The following MYH1 variants were observed in gnomAD, a reference collection of about 807,000 sequenced individuals.
MYH1 encodes myosin-1.
Under a neutral mutation model 225.6 loss-of-function variants are expected in MYH1, and 214 were observed. That is an observed-to-expected ratio of 0.95 (90% CI 0.85 to 1.06). The LOEUF is 1.06. MYH1 is among the 50% of genes least tolerant of loss of function. The pLI is 0.00. For synonymous variants in MYH1, 774 were observed against 842.3 expected (o/e 0.92, Z 1.40); for missense variants, 2,098 against 2,344.2 (o/e 0.89, Z 2.17).
chr17:10,516,740 T>C (rs2073234113), intron 2 of MYH1, 58 bp from the exon 3 acceptor site: 1 of 1,418,314 alleles, frequency 7.1e-7, no homozygotes, highest in Admixed American at 2.3e-5. Flanking sequence ...TAGATTCACA[T>C]TTAAAACTTT....
At chr17:10,502,220 A>G (rs563749509) in intron 24 of MYH1, among the ~76,000 whole-genome samples, 2 of 152,310 alleles carry the variant, frequency 1.3e-5, no homozygotes, top group South Asian at 2.1e-4. Context: ...CAAACCATGA[A>G]CTTTTTTAAC....
At position 10,498,789 on chromosome 17, in the gene MYH1, AG is replaced by A; in HGVS notation, c.4017del (p.Ser1340ProfsTer69). On this transcript the variant is annotated frameshift_variant, in exon 30 of 40. Transcript: ENST00000226207. LOFTEE classifies it high-confidence loss of function. ...AKSALAHALQ[S>X]SRHDCDLLRE... ...CGCAGCAGGTCACAGTCATGGCGGG[AG>A]GACTGCAGGGCATGTGCCAGGGCAC... The A allele has an allele frequency of 1.2e-6, 2 of 1,614,140 alleles. No individual in the cohort carries two copies. Among genetic ancestry groups the A allele is most frequent in the Non-Finnish European group, 1.7e-6 (2 of 1,180,006 alleles).
Position 10,495,011 on chromosome 17 carries a change from C to T in MYH1, c.5386G>A (p.Asp1796Asn). The T allele has an allele frequency of 1.9e-6, 3 of 1,614,204 alleles. No homozygotes were observed. The highest frequency in any genetic ancestry group is 1.1e-5 in the South Asian group (1 of 91,078). ...MKKNLEQTVK[D>N]LQHRLDEAEQ... ...GCCTCATCCAGACGATGCTGCAGGT[C>T]CTTCACCGTCTGTTCCAGGTTCTTC... is the stretch of plus-strand genomic sequence containing the variant. Residue 1796 changes from aspartate to asparagine, a missense_variant, in exon 37 of 40, where the codon GAC becomes AAC. Asp to Asn is a conservative substitution (Grantham distance 23). Transcript: ENST00000226207.
Position 10,497,074 on chromosome 17 carries a change from C to T in MYH1, c.4651G>A (p.Ala1551Thr), listed in dbSNP as rs758782200. The T allele has an allele frequency of 8.1e-6, 13 of 1,613,372 alleles. No homozygotes were observed. The highest frequency in any genetic ancestry group is 1.0e-5 in the Non-Finnish European group (12 of 1,179,926). ...GTATGCAATAAAATGCTTACCTCTGCCTCCTCTAAGGCAGCCTGAAGTTCA... is the reference window on the plus strand; with the variant it reads ...GTATGCAATAAAATGCTTACCTCTGTCTCCTCTAAGGCAGCCTGAAGTTCA... ...KSELQAALEE[A>T]EASLEHEEGK... The change falls in exon 33 of 40, where the codon GCA becomes ACA. Residue 1551 changes from alanine to threonine, a missense_variant. By Grantham distance (58) the Ala-to-Thr change is moderately conservative. Transcript: ENST00000226207.
chr17:10,501,009 G>T, intron 27 of MYH1, 101 bp downstream of exon 27: 1 of 1,539,204 alleles, frequency 6.5e-7, no homozygotes, highest in Non-Finnish European at 8.8e-7. Context: ...GAGAAAAAGG[G>T]TGCCTGATTT....
intron 12 of MYH1, 94 bp from the exon 13 acceptor site, chr17:10,512,286 C>G (rs2073177923): frequency 3.1e-6 from 5 of 1,590,034 alleles, no homozygotes; most frequent in Non-Finnish European, 2.6e-6. Context: ...TGTAGAAAGT[C>G]TGTGTGTGGG....
rs758527045 is a variant in MYH1 at position 10,501,105 on chromosome 17, T to C, written c.3738+5A>G. ...CAAATAATCAATGTGAAGTGTTGAT[T>C]GTACCTTGGCTTTGGAGACAGTCTC... is the stretch of plus-strand genomic sequence containing the variant. On this transcript the variant is annotated splice_donor_5th_base_variant and intron_variant, in intron 27 of 39. Transcript: ENST00000226207. 1.9e-6 allele frequency: 3 copies of C among 1,613,238 alleles called. No individual in the cohort carries two copies. The highest frequency in any genetic ancestry group is 2.2e-5 in the South Asian group (2 of 91,058).
chr17:10,495,280 G>C lies in MYH1; in HGVS notation c.5207C>G (p.Thr1736Arg), dbSNP rs541402684. The C allele has an allele frequency of 6.2e-7, 1 of 1,614,116 alleles. No homozygotes were observed. The highest frequency in any genetic ancestry group is 1.1e-5 in the South Asian group (1 of 91,068). The change falls in exon 36 of 40, where the codon ACA (threonine) becomes AGA (arginine). Residue 1736 changes from threonine (T) to arginine (R), a missense_variant. Physicochemically the swap from Thr to Arg is moderately conservative, Grantham distance 71. Coordinates refer to ENST00000226207, the MANE Select transcript of MYH1 (RefSeq NM_005963.4). ...SLINTKKKLE[T>R]DISQIQGEME... ...CTCTCCCTGGATTTGGGAAATGTCT[G>C]TCTCCAGCTTCTTCTTGGTGTTGAT...
intron 19 of MYH1, 132 bp from the exon 20 acceptor site, chr17:10,505,643 C>A: frequency 7.3e-7 from 1 of 1,365,946 alleles, no homozygotes; most frequent in Non-Finnish European, 9.9e-7. Flanking sequence ...CTTTATCTAT[C>A]CTCTGTTTAT....
chr17:10,492,653 T>G, intron 39 of MYH1, 85 bp from the exon 40 acceptor site: 1 of 1,364,790 alleles, frequency 7.3e-7, no homozygotes, highest in Non-Finnish European at 1.0e-6. Context: ...TCCTTTTTAC[T>G]TAAAAATGAT....
Position 10,497,854 on chromosome 17 carries a change from A to T in MYH1, c.4245T>A (p.Cys1415Ter). 1.9e-6 allele frequency: 3 copies of T among 1,613,766 alleles called. No individual in the cohort carries two copies. Among genetic ancestry groups the T allele is most frequent in the Non-Finnish European group, 2.5e-6 (3 of 1,179,942 alleles). Residue 1415 changes from cysteine (C) to a stop codon, truncating the protein, a stop_gained, in exon 31 of 40, where the codon TGT becomes TGA. Coordinates refer to ENST00000226207, the MANE Select transcript of MYH1 (RefSeq NM_005963.4). LOFTEE classifies it high-confidence loss of function. ...TCTGCTTCGTCTTCTCAAGGGAAGC[A>T]CATTTGGCATTCACAGCTTCTACAT... ...EEHVEAVNAK[C>*]ASLEKTKQRL...
rs746052766 is a variant in MYH1 at position 10,512,112 on chromosome 17, C to A, written c.1228G>T (p.Gly410Cys). Reference sequence around the variant, plus strand: ...TGACCTTTGGTGACATACTCATTGCCGACCTTGACCCTAGGGTAGCAGAGG... The same window carrying A: ...TGACCTTTGGTGACATACTCATTGCAGACCTTGACCCTAGGGTAGCAGAGG... Reference protein sequence around the residue: ...KALCYPRVKVGNEYVTKGQTV... With the variant: ...KALCYPRVKVCNEYVTKGQTV... Residue 410 changes from glycine (G) to cysteine (C), a missense_variant, in exon 13 of 40, where the codon GGC (glycine) becomes TGC (cysteine). Physicochemically the swap from Gly to Cys is radical, Grantham distance 159 (BLOSUM62 -3). Coordinates refer to ENST00000226207, the MANE Select transcript of MYH1 (RefSeq NM_005963.4). 1 of 1,614,042 alleles carries A rather than the reference C, an allele frequency of 6.2e-7. No homozygotes were observed. Among genetic ancestry groups the A allele is most frequent in the Non-Finnish European group, 8.5e-7 (1 of 1,180,028 alleles).
chr17:10,505,960 G>C, intron 18 of MYH1, 31 bp from the exon 19 acceptor site: 1 of 1,614,038 alleles, frequency 6.2e-7, no homozygotes, highest in East Asian at 2.2e-5. Context: ...GCCATACTTC[G>C]TGGTCTATCA....
In MYH1 at chr17:10,505,226, C is replaced by G; in HGVS notation, c.2372G>C (p.Arg791Pro). 6.2e-7 allele frequency: 1 copy of G among 1,614,206 alleles called. No homozygotes were observed. Among genetic ancestry groups the G allele is most frequent in the Non-Finnish European group, 8.5e-7 (1 of 1,180,036 alleles). ...GAACCCTCTGCACATGGCCTGGGTTCGGGTAATCAGCTGGGCCAGCTTCTC... is the reference window on the plus strand; with the variant it reads ...GAACCCTCTGCACATGGCCTGGGTTGGGGTAATCAGCTGGGCCAGCTTCTC... The part of the protein sequence containing the change: ...RDEKLAQLIT[R>P]TQAMCRGFLA... The change falls in exon 21 of 40, where the codon CGA (arginine) becomes CCA (proline). Residue 791 changes from arginine to proline, a missense_variant. Transcript: ENST00000226207.
At position 10,508,534 on chromosome 17, in the gene MYH1, G is replaced by A. The variant is rs751527881; in HGVS notation, c.1726C>T (p.Pro576Ser). ...FQKPKPAKGK[P>S]EAHFSLIHYA... ...TGAATCAAAGAGAAGTGGGCCTCAG[G>A]CTTGCCTTTGGCAGGCTTGGGCTTC... The change falls in exon 16 of 40, where the codon CCT (proline) becomes TCT (serine). Residue 576 changes from proline (P) to serine (S), a missense_variant. Transcript: ENST00000226207. 9.3e-6 allele frequency: 15 copies of A among 1,613,982 alleles called. No individual in the cohort carries two copies. In the Admixed American group the frequency reaches 2.3e-4, roughly 25 times the overall value.
chr17:10,501,030 A>G, intron 27 of MYH1, 80 bp downstream of exon 27: 1 of 1,571,756 alleles, frequency 6.4e-7, no homozygotes, highest in East Asian at 2.2e-5. Flanking sequence ...AGTTCATGAG[A>G]CGTTTTTGAG....
intron 9 of MYH1, 30 bp downstream of exon 9, chr17:10,513,596 G>C: frequency 1.9e-6 from 3 of 1,602,616 alleles, no homozygotes; most frequent in East Asian, 2.2e-5. Flanking sequence ...TGTCATTCTT[G>C]GATTCTATTT....
At chr17:10,493,365 TTCTC>T (rs2072954288) in intron 39 of MYH1, among the ~76,000 whole-genome samples, 1 of 152,218 alleles carries the variant, frequency 6.6e-6, no homozygotes, top group South Asian at 2.1e-4. Flanking sequence ...ATTCCCATCT[TTCTC>T]TCTCTCTTAC....
At chr17:10,495,585 C>A (rs2072980998) in intron 35 of MYH1, among the ~76,000 whole-genome samples, 1 of 151,508 alleles carries the variant, frequency 6.6e-6, no homozygotes, top group Non-Finnish European at 1.5e-5. Flanking sequence ...CACGGTGAAA[C>A]CCCGTCTCCA....
Sources: allele counts gnomAD v4.1 joint callset (sites outside exome capture counted in the v4.1 genomes callset), GRCh38; gene constraint gnomAD v4.1.1; transcripts MANE v1.5; gene names NCBI Gene and HGNC (gene_info 2026-07-23, HGNC 2026-07-21).